The following KMT2D variants were observed in gnomAD, a reference collection of about 807,000 sequenced individuals.
KMT2D encodes lysine methyltransferase 2D, also known as histone-lysine N-methyltransferase 2D.
KMT2D carries 55 observed loss-of-function variants against 512.7 expected under a neutral mutation model. That is an observed-to-expected ratio of 0.11 (90% CI 0.09 to 0.13). The LOEUF is 0.13. KMT2D is among the 10% of genes least tolerant of loss of function. The pLI is 1.00. For missense variants in KMT2D, 6,061 were observed against 7,127.9 expected, an observed-to-expected ratio of 0.85 and a Z score of 5.39; for synonymous variants, 2,995 against 2,904.0, an observed-to-expected ratio of 1.03 and a Z score of -1.01.
intron 14 of KMT2D, 148 bp from the exon 15 acceptor site, chr12:49,048,217 C>T (rs1937675222): frequency 1.8e-6 from 1 of 567,370 alleles, no homozygotes; most frequent in Non-Finnish European, 3.1e-6. Context: ...ACCAAGGGAC[C>T]CTGCTCCTTC....
At chr12:49,035,081 C>T (rs1030959568) in intron 35 of KMT2D, 146 bp from the exon 36 acceptor site, 8 of 1,022,516 alleles carry the variant, frequency 7.8e-6, no homozygotes, top group Admixed American at 2.2e-5. Flanking sequence ...AGGAGCCAGT[C>T]GGCCTGGGTG....
chr12:49,036,004 TTC>T (rs1182966780), intron 35 of KMT2D: 3 of 152,376 alleles, frequency 2.0e-5, no homozygotes, highest in Non-Finnish European at 2.9e-5. Flanking sequence ...TAACCTCCAC[TTC>T]TGTTTCCTCT....
intron 41 of KMT2D, 25 bp downstream of exon 41, chr12:49,030,868 G>T (rs1279467701): frequency 6.2e-7 from 1 of 1,613,378 alleles, no homozygotes; most frequent in Admixed American, 1.7e-5. Flanking sequence ...GATGGGACCA[G>T]GGGGACTGTC....
rs2120391853 is a variant in KMT2D at position 49,029,112 on chromosome 12, C to T, written c.14200G>A (p.Asp4734Asn). ...GGGATGACAGGGGAGAGGGCCCGGTCCTCTTGCTCCCACCGGCCTGAGCCC... is the reference window on the plus strand; with the variant it reads ...GGGATGACAGGGGAGAGGGCCCGGTTCTCTTGCTCCCACCGGCCTGAGCCC... ...HLGSGRWEQE[D>N]RALSPVIPLI... The change falls in exon 45 of 55, where the codon GAC becomes AAC. Residue 4734 changes from aspartate to asparagine, a missense_variant. Asp to Asn is a conservative substitution (Grantham distance 23). Coordinates refer to ENST00000301067, the MANE Select transcript of KMT2D (RefSeq NM_003482.4). The T allele has an allele frequency of 6.2e-7, 1 of 1,611,580 alleles. No individual in the cohort carries two copies.
chr12:49,038,659 G>A lies in KMT2D; in HGVS notation c.8697C>T (p.Gly2899=), dbSNP rs773360383. ...GPGGTPFPGQ[G]PPQRPRFYPV... ...GGTAAAAACGGGGTCTCTGAGGTGG[G>A]CCCTGACCAGGAAACGGAGTGCCCC... The change falls in exon 35 of 55, where the codon GGC becomes GGT. Residue 2899 remains glycine, a synonymous_variant. Transcript: ENST00000301067. This position sits in a 1 kb window ranked among gnomAD's most constrained non-coding sequence, Gnocchi z 5.7. 8 of 1,612,904 alleles carry A rather than the reference G, an allele frequency of 5.0e-6. No individual in the cohort carries two copies. In the East Asian group the frequency reaches 1.6e-4, roughly 31 times the overall value.
Position 49,050,596 on chromosome 12 carries a change from G to T in KMT2D, c.2992C>A (p.Pro998Thr), listed in dbSNP as rs143711798. 9.0e-4 allele frequency: 1,449 copies of T among 1,608,162 alleles called. 2 individuals are homozygous for T. The highest frequency in any genetic ancestry group is 1.1e-3 in the Non-Finnish European group (1,320 of 1,175,680). Residue 998 changes from proline (P) to threonine (T), a missense_variant, in exon 12 of 55, where the codon CCT becomes ACT. Around this residue, in one of 16 missense-constraint regions of KMT2D, gnomAD observed 447 missense variants for 500.1 expected, o/e 0.89. Transcript: ENST00000301067. ...ANCTDPEPVPPMILPPSPGSP... is the reference protein window; with the variant it reads ...ANCTDPEPVPTMILPPSPGSP... ...CCTGGAGATGGGGGAAGGATCATAG[G>T]GGGGACAGGCTCAGGGTCAGTGCAG... is the stretch of plus-strand genomic sequence containing the variant.
In KMT2D at chr12:49,024,789, A is replaced by G. The variant is rs2137711208; in HGVS notation, c.15921+21T>C. ...GTTCTCAGTGCCCGCCAAGCCCCCC[A>G]GCTCCCAGCCCCTTCCTTACTGATT... On this transcript the variant is annotated intron_variant, in intron 50 of 54. Coordinates refer to ENST00000301067, the MANE Select transcript of KMT2D (RefSeq NM_003482.4). The surrounding 1 kb of genome is among the most constrained non-coding windows in gnomAD (Gnocchi z 4.5). 1 of 1,609,934 alleles carries G rather than the reference A, an allele frequency of 6.2e-7. No homozygotes were observed. Among genetic ancestry groups the G allele is most frequent in the South Asian group, 1.1e-5 (1 of 90,786 alleles).
Position 49,044,982 on chromosome 12 carries a change from A to G in KMT2D, c.4742-17T>C. ...ACTGGGGCTCTGCATAAGAGGAAAG[A>G]GTATGTGATCCCTGGATGGAAGCCC... is the stretch of plus-strand genomic sequence containing the variant. On this transcript the variant is annotated splice_polypyrimidine_tract_variant and intron_variant, in intron 19 of 54. Coordinates refer to ENST00000301067, the MANE Select transcript of KMT2D (RefSeq NM_003482.4). The surrounding 1 kb of genome is among the most constrained non-coding windows in gnomAD (Gnocchi z 6.4). 1 of 1,605,820 alleles carries G rather than the reference A, an allele frequency of 6.2e-7. No homozygotes were observed. Among genetic ancestry groups the G allele is most frequent in the South Asian group, 1.1e-5 (1 of 90,970 alleles).
At position 49,021,769 on chromosome 12, in the gene KMT2D, C is replaced by A. The variant is rs776070317; in HGVS notation, c.*11G>T. On this transcript the variant is annotated 3_prime_UTR_variant, in exon 55 of 55. Transcript: ENST00000301067. ...TAGGGGGACTCCCCTGCCTGGTAGC[C>A]TCAAAGCTTCTTAGTTCATCCATTT... is the stretch of plus-strand genomic sequence containing the variant. 6.2e-7 allele frequency: 1 copy of A among 1,609,350 alleles called. No individual in the cohort carries two copies. Among genetic ancestry groups the A allele is most frequent in the South Asian group, 1.1e-5 (1 of 90,968 alleles).
In KMT2D at chr12:49,034,875, G is replaced by A. The variant is rs1193210575; in HGVS notation, c.10292C>T (p.Ala3431Val). The A allele has an allele frequency of 6.2e-7, 1 of 1,614,024 alleles. No homozygotes were observed. Among genetic ancestry groups the A allele is most frequent in the Admixed American group, 1.7e-5 (1 of 60,024 alleles). The change falls in exon 36 of 55, where the codon GCT (alanine) becomes GTT (valine). Residue 3431 changes from alanine (A) to valine (V), a missense_variant. Ala to Val is a moderately conservative substitution (Grantham distance 64). Around this residue, in one of 16 missense-constraint regions of KMT2D, gnomAD observed 533 missense variants for 539.6 expected, o/e 0.99. Coordinates refer to ENST00000301067, the MANE Select transcript of KMT2D (RefSeq NM_003482.4). ...CATCACTTTCTTGATGCCTTTCAAA[G>A]CCACCATCTTGGCCTTTGCAATGGG... is the stretch of plus-strand genomic sequence containing the variant. ...IDPIAKAKMV[A>V]LKGIKKVMAQ... is the part of the protein sequence containing the mutation.
Position 49,054,031 on chromosome 12 carries a change from A to T in KMT2D, c.620T>A (p.Met207Lys), listed in dbSNP as rs757625928. 5.1e-5 allele frequency: 82 copies of T among 1,613,924 alleles called. No individual in the cohort carries two copies. Among genetic ancestry groups the T allele is most frequent in the Non-Finnish European group, 6.9e-5 (82 of 1,179,882 alleles). ...TGGGCATAGCAGCTGCAGTGTTTTC[A>T]TGGATAGGAAGGAACCGCTGGCAGT... ...CATASGSFLS[M>K]KTLQLLCPEH... Residue 207 changes from methionine (M) to lysine (K), a missense_variant, in exon 6 of 55, where the codon ATG becomes AAG. By Grantham distance (95) the Met-to-Lys change is moderately conservative. Transcript: ENST00000301067. The surrounding 1 kb of genome is among the most constrained non-coding windows in gnomAD (Gnocchi z 6.4).
In KMT2D at chr12:49,039,971, G is replaced by T. The variant is rs374291343; in HGVS notation, c.7799C>A (p.Ser2600Tyr). The change falls in exon 32 of 55, where the codon TCC becomes TAC. Residue 2600 changes from serine to tyrosine, a missense_variant. Around this residue, in one of 16 missense-constraint regions of KMT2D, gnomAD observed 527 missense variants for 578.9 expected, o/e 0.91. Transcript: ENST00000301067. The surrounding 1 kb of genome is among the most constrained non-coding windows in gnomAD (Gnocchi z 5.0). ...GGACAGCCCATAGCTCTCCCCTGTG[G>T]ACCCGCTGCTGGGCCCCAGGGGGCT... ...SGSPLGPSSG[S>Y]TGESYGLSPL... The T allele has an allele frequency of 1.9e-6, 3 of 1,613,742 alleles. No individual in the cohort carries two copies. The highest frequency in any genetic ancestry group is 1.3e-5 in the African/African-American group (1 of 74,956).
chr12:49,054,546 G>C lies in KMT2D; in HGVS notation c.382C>G (p.His128Asp), dbSNP rs1166407793. 1 of 1,611,514 alleles carries C rather than the reference G, an allele frequency of 6.2e-7. No homozygotes were observed. Among genetic ancestry groups the C allele is most frequent in the South Asian group, 1.1e-5 (1 of 90,600 alleles). The stretch of plus-strand genomic sequence containing the variant: ...CACTCACCTCCAGGTTCTCCTAGGT[G>C]GGCAGGTGTAAGGCCCTCAGGGAAA... ...IGFPEGLTPA[H>D]LGEPGGSCWA... The change falls in exon 4 of 55, where the codon CAC becomes GAC. Residue 128 changes from histidine to aspartate, a missense_variant. Physicochemically the swap from His to Asp is moderately conservative, Grantham distance 81. This residue lies in a region of KMT2D where 144 missense variants were observed against 165.7 expected (regional missense o/e 0.87). Coordinates refer to ENST00000301067, the MANE Select transcript of KMT2D (RefSeq NM_003482.4). This position sits in a 1 kb window ranked among gnomAD's most constrained non-coding sequence, Gnocchi z 6.4.
At chr12:49,035,060 AC>A in intron 35 of KMT2D, 125 bp from the exon 36 acceptor site, 1 of 1,216,650 alleles carries the variant, frequency 8.2e-7, no homozygotes, top group Non-Finnish European at 1.2e-6. Flanking sequence ...AGGCAGAAAG[AC>A]CACTGAATTA....
rs1477824854 is a variant in KMT2D, at chr12:49,029,169, A to G, written c.14143T>C (p.Leu4715=). The change falls in exon 45 of 55, where the codon TTG becomes CTG. Residue 4715 remains leucine, a synonymous_variant. Coordinates refer to ENST00000301067, the MANE Select transcript of KMT2D (RefSeq NM_003482.4). ...IVPASSPESI[L]GEEAPRFPHL... Reference sequence around the variant, plus strand: ...GGGAAACGAGGGGCCTCCTCCCCCAAGATGCTCTCAGGGGATGAAGCTGGC... The same window carrying G: ...GGGAAACGAGGGGCCTCCTCCCCCAGGATGCTCTCAGGGGATGAAGCTGGC... 1.2e-6 allele frequency: 2 copies of G among 1,613,886 alleles called. No individual in the cohort carries two copies. Among genetic ancestry groups the G allele is most frequent in the Non-Finnish European group, 1.7e-6 (2 of 1,179,802 alleles).
rs1272117469 is a variant in KMT2D, at chr12:49,049,232, G to A, written c.3907-14C>T. On this transcript the variant is annotated splice_polypyrimidine_tract_variant and intron_variant, in intron 12 of 54. Coordinates refer to ENST00000301067, the MANE Select transcript of KMT2D (RefSeq NM_003482.4). The stretch of plus-strand genomic sequence containing the variant: ...GCTGCTGCGACCCTGAGTGAAAGAA[G>A]GGGACAATGACAGGAGCATGTCAAG... 1.3e-6 allele frequency: 2 copies of A among 1,541,080 alleles called. No individual in the cohort carries two copies. The highest frequency in any genetic ancestry group is 1.8e-6 in the Non-Finnish European group (2 of 1,125,316).
At position 49,029,205 on chromosome 12, in the gene KMT2D, C is replaced by T. The variant is rs2120393942; in HGVS notation, c.14107G>A (p.Asp4703Asn). The T allele has an allele frequency of 6.2e-7, 1 of 1,613,894 alleles. No individual in the cohort carries two copies. The highest frequency in any genetic ancestry group is 8.5e-7 in the Non-Finnish European group (1 of 1,179,798). ...MESDEDSDSP[D>N]SIVPASSPES... ...GGGGATGAAGCTGGCACAATGCTGT[C>T]AGGAGAATCGCTATCCTCATCACTC... Residue 4703 changes from aspartate (D) to asparagine (N), a missense_variant, in exon 45 of 55, where the codon GAC becomes AAC. Asp to Asn is a conservative substitution (Grantham distance 23, BLOSUM62 1). Transcript: ENST00000301067.
rs1281104128 is a variant in KMT2D at position 49,050,694 on chromosome 12, C to T, written c.2894G>A (p.Gly965Glu). 1 of 1,613,500 alleles carries T rather than the reference C, an allele frequency of 6.2e-7. No homozygotes were observed. The highest frequency in any genetic ancestry group is 1.7e-5 in the Admixed American group (1 of 59,998). ...GELEYPFGAK[G>E]DSDPESPLAA... ...CAACGGTGACTCAGGGTCACTGTCC[C>T]CTTTGGCACCAAAGGGGTACTCTAA... is the stretch of plus-strand genomic sequence containing the variant. The change falls in exon 12 of 55, where the codon GGG (glycine) becomes GAG (glutamate). Residue 965 changes from glycine (G) to glutamate (E), a missense_variant. Gly to Glu is a moderately conservative substitution (Grantham distance 98, BLOSUM62 -2). This residue lies in a region of KMT2D where 848 missense variants were observed against 838.5 expected (regional missense o/e 1.01). Coordinates refer to ENST00000301067, the MANE Select transcript of KMT2D (RefSeq NM_003482.4).
At position 49,051,897 on chromosome 12, in the gene KMT2D, C is replaced by A. The variant is rs2120678472; in HGVS notation, c.1786G>T (p.Ala596Ser). ...TCAAATGGTGGGAACAGACGAGATG[C>A]CTCCGGTGGTGGAGACATGGGTGAC... ...EESPMSPPPE[A>S]SRLFPPFEES... Residue 596 changes from alanine to serine, a missense_variant, in exon 11 of 55, where the codon GCA becomes TCA. This residue lies in a region of KMT2D where 848 missense variants were observed against 838.5 expected (regional missense o/e 1.01). Coordinates refer to ENST00000301067, the MANE Select transcript of KMT2D (RefSeq NM_003482.4). 1 of 1,612,624 alleles carries A rather than the reference C, an allele frequency of 6.2e-7. No individual in the cohort carries two copies. Among genetic ancestry groups the A allele is most frequent in the African/African-American group, 1.3e-5 (1 of 74,478 alleles).
Sources: allele counts gnomAD v4.1 joint callset, GRCh38; gene constraint gnomAD v4.1.1; regional missense constraint gnomAD v4.1.1; non-coding constraint Gnocchi (gnomAD v3.1); transcripts MANE v1.5; gene names NCBI Gene and HGNC (gene_info 2026-07-23, HGNC 2026-07-21).